CPS1: variants seen among roughly 807,000 people sequenced by gnomAD.
CPS1 encodes carbamoyl-phosphate synthase 1, also known as carbamoyl-phosphate synthase [ammonia], mitochondrial.
CPS1 carries 109 observed loss-of-function variants against 174.6 expected under a neutral mutation model. The observed-to-expected ratio is 0.62, with a 90% CI of 0.53 to 0.73. The LOEUF is 0.73. CPS1 is among the 30% of genes least tolerant of loss of function. The pLI is 0.00. For missense variants in CPS1, 1,689 were observed against 1,821.9 expected (o/e 0.93, Z 1.33); for synonymous variants, 637 against 632.0 (o/e 1.01, Z -0.12).
intron 21 of CPS1, among the ~76,000 whole-genome samples, chr2:210,634,480 C>T (rs974913033): frequency 6.6e-6 from 1 of 152,162 alleles, no homozygotes; most frequent in African/African-American, 2.4e-5. Flanking sequence ...TTCTCTCTCT[C>T]TCTCTTTTTC....
chr2:210,587,933 C>T (rs1408052220), intron 6 of CPS1, 125 bp from the exon 7 acceptor site: 3 of 853,944 alleles, frequency 3.5e-6, no homozygotes, highest in Non-Finnish European at 6.1e-6. Flanking sequence ...GCCAGTCACT[C>T]CCTAGTAGTT....
rs566428914 is a variant in CPS1 at position 210,587,269 on chromosome 2, G to A, written c.622-789G>A. 5.3e-5 allele frequency among the ~76,000 whole-genome samples: 8 copies of A among 152,062 alleles called. No homozygotes were observed. In the East Asian group the frequency reaches 7.8e-4, roughly 15 times the overall value. ...TTTTCATCTGAAAATTTTCACAAAC[G>A]ATGAAATCATCCTAAATTCATAGCG... is the stretch of plus-strand genomic sequence containing the variant. On this transcript the variant is annotated intron_variant, in intron 6 of 37. Coordinates refer to ENST00000233072, the MANE Select transcript of CPS1 (RefSeq NM_001875.5).
intron 1 of CPS1, among the ~76,000 whole-genome samples, chr2:210,529,211 T>G (rs1366591015): frequency 1.3e-5 from 2 of 151,922 alleles, no homozygotes; most frequent in African/African-American, 4.8e-5. Flanking sequence ...GCCTTAATCA[T>G]TTTTCAATCT....
chr2:210,610,818 C>T (rs1473753380), intron 19 of CPS1, among the ~76,000 whole-genome samples: 1 of 151,348 alleles, frequency 6.6e-6, no homozygotes, highest in Non-Finnish European at 1.5e-5. Flanking sequence ...TTTATAGATA[C>T]ATATTCCTTT....
At chr2:210,579,029 A>G (rs770162690) in intron 4 of CPS1, among the ~76,000 whole-genome samples, 12 of 152,126 alleles carry the variant, frequency 7.9e-5, no homozygotes, top group Non-Finnish European at 1.6e-4. Flanking sequence ...ACCTCCTTCA[A>G]TTTACCGGTG....
chr2:210,513,641 G>C (rs1695593604), intron 1 of CPS1, among the ~76,000 whole-genome samples: 1 of 151,936 alleles, frequency 6.6e-6, no homozygotes, highest in Non-Finnish European at 1.5e-5. Flanking sequence ...TCTGTAGGTT[G>C]TCTGTGTACT....
intron 21 of CPS1, among the ~76,000 whole-genome samples, chr2:210,637,320 G>A (rs914061175): frequency 1.3e-5 from 2 of 152,174 alleles, no homozygotes; most frequent in Non-Finnish European, 2.9e-5. Context: ...ATCATCAAAA[G>A]GGTCTTGTGA....
intron 1 of CPS1, among the ~76,000 whole-genome samples, chr2:210,510,767 GAC>G: frequency 6.6e-6 from 1 of 151,298 alleles, no homozygotes; most frequent in Admixed American, 6.6e-5. Flanking sequence ...GCAGCCAAAA[GAC>G]ACATGAAAAA....
chr2:210,589,029 G>A (rs1367781502), intron 7 of CPS1, among the ~76,000 whole-genome samples: 2 of 151,972 alleles, frequency 1.3e-5, no homozygotes, highest in Non-Finnish European at 2.9e-5. Flanking sequence ...GCAGTAAATG[G>A]CATAGAATTA....
At chr2:210,571,311 T>C (rs914266186) in intron 1 of CPS1, among the ~76,000 whole-genome samples, 7 of 151,864 alleles carry the variant, frequency 4.6e-5, no homozygotes, top group African/African-American at 1.7e-4. Flanking sequence ...ATAAGCCTAG[T>C]AAAGGACAAA....
chr2:210,625,847 C>T (rs1699684027), intron 21 of CPS1, among the ~76,000 whole-genome samples: 1 of 152,004 alleles, frequency 6.6e-6, no homozygotes. Flanking sequence ...ATTGTGTTTG[C>T]TCTTTATCCT....
At chr2:210,522,583 G>A (rs1695855454) in intron 1 of CPS1, among the ~76,000 whole-genome samples, 1 of 151,958 alleles carries the variant, frequency 6.6e-6, no homozygotes. Context: ...CTTTGCTTCT[G>A]TCAACCAGAT....
Position 210,556,715 on chromosome 2 carries a change from T to A in CPS1, c.-19T>A. ...AAAATTTATGTAATTTCATTTAATT[T>A]TAGCCACAAATCATCAAAATGACGA... On this transcript the variant is annotated 5_prime_UTR_variant, in exon 1 of 38. Transcript: ENST00000233072. 6.3e-7 allele frequency: 1 copy of A among 1,584,910 alleles called. No homozygotes were observed. The highest frequency in any genetic ancestry group is 8.5e-7 in the Non-Finnish European group (1 of 1,171,032).
At chr2:210,634,440 A>C (rs1383880601) in intron 21 of CPS1, among the ~76,000 whole-genome samples, 3 of 152,238 alleles carry the variant, frequency 2.0e-5, no homozygotes, top group South Asian at 2.1e-4. Flanking sequence ...AAAAGAAAAA[A>C]AAAATGTTTC....
At position 210,577,499 on chromosome 2, in the gene CPS1, C is replaced by A; in HGVS notation, c.460C>A (p.Gln154Lys). The change falls in exon 4 of 38, where the codon CAG becomes AAG. Residue 154 changes from glutamine (Q) to lysine (K), a missense_variant. Gln to Lys is a moderately conservative substitution (Grantham distance 53). Transcript: ENST00000233072. ...LATKSLGQWLQEEKVPAIYGV... is the reference protein window; with the variant it reads ...LATKSLGQWLKEEKVPAIYGV... ...TACCAAGAGTTTAGGGCAATGGCTA[C>A]AGGAAGAAAAGGTAAGAAATGTAAT... 6.2e-7 allele frequency: 1 copy of A among 1,612,848 alleles called. No homozygotes were observed. The highest frequency in any genetic ancestry group is 1.1e-5 in the South Asian group (1 of 91,058).
chr2:210,556,590 T>C, upstream of CPS1: 2 of 1,490,368 alleles, frequency 1.3e-6, no homozygotes, highest in Middle Eastern at 2.1e-4. Flanking sequence ...GCAGAATGAA[T>C]GGAAATTCAA....
chr2:210,606,892 G>T lies in CPS1; in HGVS notation c.2143G>T (p.Val715Leu), dbSNP rs551261693. 1.4e-4 allele frequency: 218 copies of T among 1,612,606 alleles called. 2 individuals carry two copies. In the South Asian group the frequency reaches 2.3e-3, roughly 17 times the overall value. The change falls in exon 18 of 38, where the codon GTG becomes TTG. Residue 715 changes from valine to leucine, a missense_variant. By Grantham distance (32) the Val-to-Leu change is conservative. Coordinates refer to ENST00000233072, the MANE Select transcript of CPS1 (RefSeq NM_001875.5). The stretch of plus-strand genomic sequence containing the variant: ...CTCAATGGAATACTGCATCATTGAA[G>T]TGAATGCCAGACTGTCCCGAAGCTC... ...PTSMEYCIIE[V>L]NARLSRSSAL...
intron 1 of CPS1, among the ~76,000 whole-genome samples, chr2:210,513,856 T>A (rs1265194636): frequency 6.6e-6 from 1 of 152,090 alleles, no homozygotes; most frequent in Non-Finnish European, 1.5e-5. Context: ...CTTCAGTGGC[T>A]TTTTGTGTAT....
intron 1 of CPS1, among the ~76,000 whole-genome samples, chr2:210,542,425 A>C (rs1366566969): frequency 6.6e-6 from 1 of 152,126 alleles, no homozygotes; most frequent in Non-Finnish European, 1.5e-5. Context: ...CTTTATTAGA[A>C]AGTAGAAACA....
Sources: gnomAD v4.1 joint callset for allele counts (sites outside exome capture counted in the v4.1 genomes callset) on GRCh38, gnomAD v4.1.1 for gene constraint, MANE v1.5 for transcripts, NCBI Gene and HGNC (gene_info 2026-07-23, HGNC 2026-07-21) for gene names.